Variants in DGKB observed in about 807,000 individuals in gnomAD.
DGKB encodes the protein diacylglycerol kinase beta.
DGKB carries 67 observed loss-of-function variants against 114.3 expected under a neutral mutation model. The observed-to-expected ratio is 0.59, with a 90% CI of 0.48 to 0.72. The LOEUF (loss-of-function observed/expected upper bound fraction) is 0.72, where lower values mean the gene tolerates loss of function less well. Ranked by LOEUF, DGKB falls within the 30% of genes least tolerant of loss-of-function variation. The probability of loss-of-function intolerance (pLI) is 0.00; values close to 1 mark genes in which losing one functional copy is unlikely to be tolerated. For synonymous variants in DGKB, 398 were observed against 323.1 expected (o/e 1.23, Z -2.49); for missense variants, 907 against 975.2 (o/e 0.93, Z 0.93).
At chr7:14,251,704 C>G (rs1014838231) in intron 23 of DGKB, among the ~76,000 whole-genome samples, 2 of 152,048 alleles carry the variant, frequency 1.3e-5, no homozygotes, top group Non-Finnish European at 2.9e-5. Context: ...AATTTCCTAG[C>G]TTTCGTTTGT....
intron 12 of DGKB, 151 bp downstream of exon 12, chr7:14,682,402 C>G (rs1820993441): frequency 6.4e-6 from 4 of 625,134 alleles, no homozygotes; most frequent in Admixed American, 5.8e-5. Flanking sequence ...GAGCCTATCT[C>G]TTTGCAAACA....
chr7:14,625,883 T>C (rs1176763371), intron 14 of DGKB, among the ~76,000 whole-genome samples: 1 of 152,198 alleles, frequency 6.6e-6, no homozygotes, highest in East Asian at 1.9e-4. Context: ...TTGTGTTTGC[T>C]ATGTAGACAT....
intron 23 of DGKB, among the ~76,000 whole-genome samples, chr7:14,256,929 G>T (rs1338119902): frequency 6.6e-6 from 1 of 152,142 alleles, no homozygotes; most frequent in Non-Finnish European, 1.5e-5. Flanking sequence ...ACTTTGGGAG[G>T]TTGAGGTGGG....
At chr7:14,606,957 T>G (rs1804632978) in intron 17 of DGKB, among the ~76,000 whole-genome samples, 1 of 152,076 alleles carries the variant, frequency 6.6e-6, no homozygotes, top group South Asian at 2.1e-4. Flanking sequence ...AAATAAGACC[T>G]TGGCAATGAC....
At chr7:14,453,140 G>A (rs1408043435) in intron 21 of DGKB, among the ~76,000 whole-genome samples, 1 of 152,118 alleles carries the variant, frequency 6.6e-6, no homozygotes, top group African/African-American at 2.4e-5. Flanking sequence ...ACTCTATGGA[G>A]TAAGAACCAT....
chr7:14,277,640 C>T (rs1471823272), intron 23 of DGKB, among the ~76,000 whole-genome samples: 3 of 152,152 alleles, frequency 2.0e-5, no homozygotes, highest in African/African-American at 2.4e-5. Flanking sequence ...TATACATTTA[C>T]AACATTTTCT....
At chr7:14,245,204 G>A (rs1794296535) in intron 23 of DGKB, among the ~76,000 whole-genome samples, 1 of 152,000 alleles carries the variant, frequency 6.6e-6, no homozygotes, top group East Asian at 1.9e-4. Flanking sequence ...CACACACTGT[G>A]CTAAACTTTA....
intron 20 of DGKB, among the ~76,000 whole-genome samples, chr7:14,547,094 T>A (rs1432056064): frequency 1.3e-5 from 2 of 152,306 alleles, no homozygotes; most frequent in East Asian, 3.9e-4. Context: ...GAAATTAAAA[T>A]TGTTGATATG....
At chr7:14,393,190 C>T (rs1055255504) in intron 21 of DGKB, among the ~76,000 whole-genome samples, 4 of 151,402 alleles carry the variant, frequency 2.6e-5, no homozygotes, top group African/African-American at 7.3e-5. Flanking sequence ...GGGGTTTCAC[C>T]GTGTAAGCCA....
intron 7 of DGKB, 56 bp from the exon 8 acceptor site, chr7:14,698,225 T>A: frequency 9.1e-7 from 1 of 1,097,728 alleles, no homozygotes; most frequent in Non-Finnish European, 1.3e-6. Context: ...GAGTTTTAAA[T>A]CTTTCACTTG....
chr7:14,220,261 G>T (rs1387289807), intron 23 of DGKB, among the ~76,000 whole-genome samples: 1 of 151,564 alleles, frequency 6.6e-6, no homozygotes, highest in Admixed American at 6.6e-5. Context: ...TATATATGCA[G>T]TCCATCATTG....
At chr7:14,347,489 G>A (rs1327772358) in intron 21 of DGKB, among the ~76,000 whole-genome samples, 3 of 151,858 alleles carry the variant, frequency 2.0e-5, no homozygotes, top group Non-Finnish European at 4.4e-5. Context: ...GGTATTGTTG[G>A]ACCTTATGCT....
At chr7:14,401,752 C>T (rs1463059286) in intron 21 of DGKB, among the ~76,000 whole-genome samples, 1 of 151,546 alleles carries the variant, frequency 6.6e-6, no homozygotes, top group Non-Finnish European at 1.5e-5. Flanking sequence ...ACCAATTCAC[C>T]CTCTAAAAAT....
chr7:14,822,193 T>C (rs1845040101), intron 2 of DGKB, among the ~76,000 whole-genome samples: 1 of 152,154 alleles, frequency 6.6e-6, no homozygotes, highest in Non-Finnish European at 1.5e-5. Flanking sequence ...CAGCTGCTTA[T>C]TCAAACCTGA....
At chr7:14,504,981 A>G (rs920043679) in intron 20 of DGKB, among the ~76,000 whole-genome samples, 5 of 152,198 alleles carry the variant, frequency 3.3e-5, no homozygotes, top group African/African-American at 9.6e-5. Flanking sequence ...AGAGCCAGAA[A>G]TCAACACCTG....
intron 2 of DGKB, among the ~76,000 whole-genome samples, chr7:14,836,193 T>C (rs924519887): frequency 6.6e-6 from 1 of 152,170 alleles, no homozygotes; most frequent in Non-Finnish European, 1.5e-5. Context: ...TCACACCACA[T>C]GCCTCACTGC....
intron 1 of DGKB, among the ~76,000 whole-genome samples, chr7:14,898,765 T>C (rs752521363): frequency 1.5e-4 from 23 of 152,110 alleles, no homozygotes; most frequent in Non-Finnish European, 2.8e-4. Context: ...CATCTGACAA[T>C]AGCTCAGGAG....
chr7:14,249,042 T>C (rs1292624988), intron 23 of DGKB, among the ~76,000 whole-genome samples: 1 of 152,166 alleles, frequency 6.6e-6, no homozygotes, highest in Non-Finnish European at 1.5e-5. Flanking sequence ...GGTGAGCGTC[T>C]TTATTACAAA....
At chr7:14,586,917 A>G (rs1355254700) in intron 17 of DGKB, among the ~76,000 whole-genome samples, 2 of 152,142 alleles carry the variant, frequency 1.3e-5, no homozygotes, top group African/African-American at 2.4e-5. Context: ...TGGTCACCCA[A>G]TATTCTGATG....
Sources: gnomAD v4.1 joint callset for allele counts (sites outside exome capture counted in the v4.1 genomes callset) on GRCh38, gnomAD v4.1.1 for gene constraint, MANE v1.5 for transcripts, NCBI Gene and HGNC (gene_info 2026-07-23, HGNC 2026-07-21) for gene names.